Variants in AATF observed in about 807,000 individuals in gnomAD.
AATF encodes apoptosis antagonizing transcription factor, also known as protein AATF.
Under a neutral mutation model 63.7 loss-of-function variants are expected in AATF, and 48 were observed. That is an observed-to-expected ratio of 0.75 (90% CI 0.60 to 0.96). AATF has a LOEUF of 0.96. Ranked by LOEUF, AATF falls within the 40% of genes least tolerant of loss-of-function variation. The pLI, the probability that AATF is intolerant of heterozygous loss-of-function variation, is 0.00. For synonymous variants in AATF, 258 were observed against 247.7 expected (o/e 1.04, Z -0.39); for missense variants, 639 against 685.7 (o/e 0.93, Z 0.76).
In AATF at chr17:36,953,280, C is replaced by T. The variant is rs544972942; in HGVS notation, c.678C>T (p.Ala226=). Reference sequence around the variant, plus strand: ...CTGAGGAAGTGGAGAAAGGAAGAGCCGTGAAGAACCAGATAGGTTTGTACA... The same window carrying T: ...CTGAGGAAGTGGAGAAAGGAAGAGCTGTGAAGAACCAGATAGGTTTGTACA... The part of the protein sequence containing the change: ...KVSEEVEKGR[A]VKNQIALWDQ... Residue 226 remains alanine, a synonymous_variant, in exon 3 of 12, where the codon GCC becomes GCT. Coordinates refer to ENST00000619387, the MANE Select transcript of AATF (RefSeq NM_012138.4). 74 of 1,613,464 alleles carry T rather than the reference C, an allele frequency of 4.6e-5. No homozygotes were observed. The highest frequency in any genetic ancestry group is 5.7e-5 in the Non-Finnish European group (67 of 1,179,512).
In AATF at chr17:36,989,302, A is replaced by G. The variant is rs2071194705; in HGVS notation, c.1205A>G (p.Asp402Gly). 4.3e-6 allele frequency: 7 copies of G among 1,614,054 alleles called. No homozygotes were observed. The South Asian group carries it at 7.7e-5, about 18-fold the overall frequency. Residue 402 changes from aspartate (D) to glycine (G), a missense_variant, in exon 7 of 12, where the codon GAC (aspartate) becomes GGC (glycine). Physicochemically the swap from Asp to Gly is moderately conservative, Grantham distance 94. Transcript: ENST00000619387. The part of the protein sequence containing the change: ...ILTQIDHILM[D>G]KERLLRRTQT... ...ACTCAGATCGACCATATTCTGATGG[A>G]CAAAGAGAGATTACTTCGAAGGACA...
chr17:36,949,885 C>T (rs1208772920), intron 1 of AATF, among the ~76,000 whole-genome samples: 1 of 152,162 alleles, frequency 6.6e-6, no homozygotes, highest in Non-Finnish European at 1.5e-5. Context: ...AGAAAACTCC[C>T]CAAAGAATGG....
chr17:36,982,442 G>A lies in AATF; in HGVS notation c.833-4175G>A, dbSNP rs1391001845. Reference sequence around the variant, plus strand: ...AATCTTGGCTCACTGCAACCTCCCCGTCCCGGGTTCAGGAAATCCTTCCAC... The same window carrying A: ...AATCTTGGCTCACTGCAACCTCCCCATCCCGGGTTCAGGAAATCCTTCCAC... On this transcript the variant is annotated intron_variant, in intron 4 of 11. Transcript: ENST00000619387. Among the ~76,000 whole-genome samples, 7 of 151,774 alleles carry A rather than the reference G, an allele frequency of 4.6e-5. No homozygotes were observed. In the South Asian group the frequency reaches 6.3e-4, roughly 14 times the overall value.
rs772456757 is a variant in AATF, at chr17:36,988,510, CT to C, written c.948-5del. On this transcript the variant is annotated splice_polypyrimidine_tract_variant and splice_region_variant and intron_variant, in intron 5 of 11. Transcript: ENST00000619387. ...TACACTGGACATAATATTCTTACTG[CT>C]TTTCTAGTGAGGAGATTTCTAGTGA... The C allele has an allele frequency of 3.1e-6, 5 of 1,613,306 alleles. No homozygotes were observed. Among genetic ancestry groups the C allele is most frequent in the African/African-American group, 1.3e-5 (1 of 74,990 alleles).
chr17:36,953,940 G>C, intron 4 of AATF, 33 bp downstream of exon 4: 1 of 1,601,750 alleles, frequency 6.2e-7, no homozygotes, highest in East Asian at 2.2e-5. Context: ...GGAATACTTA[G>C]AACCACTTTG....
chr17:37,035,899 T>A (rs1228466411), intron 11 of AATF, among the ~76,000 whole-genome samples: 1 of 152,170 alleles, frequency 6.6e-6, no homozygotes, highest in African/African-American at 2.4e-5. Flanking sequence ...AACTAAATAA[T>A]CACAGTAAAA....
chr17:37,042,437 C>T (rs1248179177), intron 11 of AATF, among the ~76,000 whole-genome samples: 1 of 150,960 alleles, frequency 6.6e-6, no homozygotes, highest in African/African-American at 2.4e-5. Context: ...TAACAAAAGA[C>T]AAGGTTTTAC....
Position 37,056,807 on chromosome 17 carries a change from G to C in AATF, c.*143G>C, listed in dbSNP as rs1035949428. 3 of 848,134 alleles carry C rather than the reference G, an allele frequency of 3.5e-6. No individual in the cohort carries two copies. The highest frequency in any genetic ancestry group is 3.4e-5 in the African/African-American group (2 of 58,708). 52.5% of individuals were successfully genotyped at this position (848,134 alleles called of 1,614,324 possible). A position where few individuals can be genotyped will look rare whatever the true frequency, so the allele number is the denominator to read the frequency against. On this transcript the variant is annotated 3_prime_UTR_variant, in exon 12 of 12. Transcript: ENST00000619387. ...CGTTCCGAACCTGTGCCTAATACACGCAAGGGCGCTGTCCCGCCCAACCCC... is the reference window on the plus strand; with the variant it reads ...CGTTCCGAACCTGTGCCTAATACACCCAAGGGCGCTGTCCCGCCCAACCCC...
At chr17:36,973,212 A>G (rs1443850858) in intron 4 of AATF, among the ~76,000 whole-genome samples, 1 of 152,218 alleles carries the variant, frequency 6.6e-6, no homozygotes, top group Non-Finnish European at 1.5e-5. Context: ...CAAAATAGGA[A>G]CAAATTATTC....
intron 4 of AATF, among the ~76,000 whole-genome samples, chr17:36,973,877 C>T (rs2071058946): frequency 6.6e-6 from 1 of 152,104 alleles, no homozygotes; most frequent in Non-Finnish European, 1.5e-5. Flanking sequence ...TCAAGACCAG[C>T]CTGGCCAACG....
chr17:36,964,765 C>G (rs766204581), intron 4 of AATF, among the ~76,000 whole-genome samples: 17 of 151,786 alleles, frequency 1.1e-4, no homozygotes, highest in Admixed American at 5.9e-4. Flanking sequence ...CCCTCCCCCC[C>G]ACTGTAGCTC....
intron 4 of AATF, among the ~76,000 whole-genome samples, chr17:36,979,757 G>T (rs1357284914): frequency 1.6e-4 from 25 of 152,094 alleles, no homozygotes; most frequent in Non-Finnish European, 3.7e-4. Context: ...GTACTTACTG[G>T]TTTATAATCT....
In AATF at chr17:36,989,399, G is replaced by T. The variant is rs1398175054; in HGVS notation, c.1302G>T (p.Leu434Phe). 6.2e-7 allele frequency: 1 copy of T among 1,612,116 alleles called. No homozygotes were observed. The highest frequency in any genetic ancestry group is 1.3e-5 in the African/African-American group (1 of 74,898). ...EPAAQPVPESLPGEPEILPQA... is the reference protein window; with the variant it reads ...EPAAQPVPESFPGEPEILPQA... ...CAGCTCAGCCTGTCCCAGAGAGTTTGCCAGGGGAACCGGTAAGAACTCTGT... is the reference window on the plus strand; with the variant it reads ...CAGCTCAGCCTGTCCCAGAGAGTTTTCCAGGGGAACCGGTAAGAACTCTGT... The change falls in exon 7 of 12, where the codon TTG (leucine) becomes TTT (phenylalanine). Residue 434 changes from leucine (L) to phenylalanine (F), a missense_variant. Leu to Phe is a conservative substitution (Grantham distance 22, BLOSUM62 0). Transcript: ENST00000619387.
At chr17:37,020,386 T>C (rs873951) in intron 9 of AATF, among the ~76,000 whole-genome samples, 23,317 of 152,024 alleles carry the variant, frequency 0.15, 1,865 homozygotes, top group Non-Finnish European at 0.16. Context: ...TACTGAAATA[T>C]TTATAGATGA....
At chr17:37,013,682 C>G (rs1597725900) in intron 8 of AATF, among the ~76,000 whole-genome samples, 1 of 152,270 alleles carries the variant, frequency 6.6e-6, no homozygotes, top group Middle Eastern at 3.4e-3. Flanking sequence ...CATTAGGCCC[C>G]TCCAACATTG....
At position 37,056,534 on chromosome 17, in the gene AATF, C is replaced by T. The variant is rs559524842; in HGVS notation, c.1620-67C>T. On this transcript the variant is annotated intron_variant, in intron 11 of 11. Coordinates refer to ENST00000619387, the MANE Select transcript of AATF (RefSeq NM_012138.4). ...AACAGAATGGGGTATTTTCCAGCTT[C>T]TGCGTTCCTTTTTAACCTTGAATAG... 1.5e-5 allele frequency: 23 copies of T among 1,537,004 alleles called. No individual in the cohort carries two copies. In the African/African-American group the frequency reaches 2.6e-4, roughly 17 times the overall value.
intron 4 of AATF, among the ~76,000 whole-genome samples, chr17:36,958,061 T>C (rs2070916534): frequency 6.6e-6 from 1 of 152,238 alleles, no homozygotes; most frequent in South Asian, 2.1e-4. Context: ...GATATTTTAG[T>C]GGCTGCATAA....
chr17:37,019,107 G>C (rs777430650), intron 9 of AATF, 35 bp downstream of exon 9: 2 of 1,564,984 alleles, frequency 1.3e-6, no homozygotes, highest in East Asian at 4.5e-5. Flanking sequence ...CATGCAAGCA[G>C]CCTATGTAAT....
intron 8 of AATF, among the ~76,000 whole-genome samples, chr17:37,004,725 G>A (rs2071329248): frequency 1.3e-5 from 2 of 152,126 alleles, no homozygotes; most frequent in African/African-American, 4.8e-5. Flanking sequence ...AGGATATGGA[G>A]GTTTGAGAAA....
Sources: gnomAD v4.1 joint callset for allele counts (sites outside exome capture counted in the v4.1 genomes callset) on GRCh38, gnomAD v4.1.1 for gene constraint, MANE v1.5 for transcripts, NCBI Gene and HGNC (gene_info 2026-07-23, HGNC 2026-07-21) for gene names.